The following CFAP54 variants were observed in gnomAD, a reference collection of about 807,000 sequenced individuals.
CFAP54 encodes the protein cilia- and flagella-associated protein 54.
A neutral mutation model predicts 370.4 loss-of-function variants in CFAP54; 290 were observed. The observed-to-expected ratio is 0.78, with a 90% CI of 0.71 to 0.86. The LOEUF is 0.86. CFAP54 is among the 40% of genes least tolerant of loss of function. The probability of loss-of-function intolerance (pLI) is 0.00; values close to 1 mark genes in which losing one functional copy is unlikely to be tolerated. For missense variants in CFAP54, 3,399 were observed against 3,528.7 expected, an observed-to-expected ratio of 0.96 and a Z score of 0.93; for synonymous variants, 1,206 against 1,236.5, an observed-to-expected ratio of 0.98 and a Z score of 0.52.
chr12:96,693,400 T>G (rs181472314), intron 44 of CFAP54, among the ~76,000 whole-genome samples: 1 of 152,212 alleles, frequency 6.6e-6, no homozygotes, highest in Non-Finnish European at 1.5e-5. Flanking sequence ...CATATATTTA[T>G]GTTGAGTTAA....
chr12:96,500,518 G>A (rs1332270594), intron 1 of CFAP54, among the ~76,000 whole-genome samples: 1 of 152,122 alleles, frequency 6.6e-6, no homozygotes, highest in Non-Finnish European at 1.5e-5. Flanking sequence ...TTGATAATGG[G>A]GAGGGCTGTG....
intron 65 of CFAP54, among the ~76,000 whole-genome samples, chr12:96,827,707 TATATAATTATATATAATTATATTTA>T (rs1165659932): frequency 1.2e-4 from 11 of 90,268 alleles, no homozygotes; most frequent in East Asian, 9.9e-4. Flanking sequence ...TATTATATTA[TATATAATTATATATAATTATATTTA>T]ATATAATTAT....
At chr12:96,544,408 A>ATCTC (rs1955614578) in intron 14 of CFAP54, among the ~76,000 whole-genome samples, 1 of 106,694 alleles carries the variant, frequency 9.4e-6, no homozygotes, top group Non-Finnish European at 1.9e-5. Context: ...AGAAAACAGA[A>ATCTC]TATCTCTCTC....
rs1382920554 is a variant in CFAP54, at chr12:96,792,437, G to T, written c.8788G>T (p.Glu2930Ter). ...IEMVTQASNK[E>*]LCFQWYIPPL... ...AATGGTAACGCAAGCTTCAAACAAA[G>T]AACTTTGCTTTCAATGGTACATTCC... is the stretch of plus-strand genomic sequence containing the variant. Residue 2930 changes from glutamate to a stop codon, truncating the protein, a stop_gained, in exon 63 of 68, where the codon GAA becomes TAA. Transcript: ENST00000524981. LOFTEE classifies it high-confidence loss of function. 6.5e-7 allele frequency: 1 copy of T among 1,535,794 alleles called. No homozygotes were observed. The highest frequency in any genetic ancestry group is 8.7e-7 in the Non-Finnish European group (1 of 1,146,796).
At chr12:96,660,382 T>C (rs1216616731) in intron 38 of CFAP54, among the ~76,000 whole-genome samples, 1 of 152,170 alleles carries the variant, frequency 6.6e-6, no homozygotes, top group Non-Finnish European at 1.5e-5. Flanking sequence ...CCCCTTTTCT[T>C]CTCCATCCAC....
At chr12:96,678,337 A>T (rs1458951708) in intron 39 of CFAP54, among the ~76,000 whole-genome samples, 1 of 151,774 alleles carries the variant, frequency 6.6e-6, no homozygotes, top group East Asian at 1.9e-4. Flanking sequence ...TGCAACCTCC[A>T]CCTCCCAGGT....
intron 63 of CFAP54, among the ~76,000 whole-genome samples, chr12:96,806,203 TATATATATATAA>T (rs1425499180): frequency 6.4e-5 from 5 of 77,926 alleles, no homozygotes; most frequent in African/African-American, 2.7e-4. Context: ...TATATATATA[TATATATATATAA>T]TAACAACATA....
intron 58 of CFAP54, among the ~76,000 whole-genome samples, chr12:96,762,507 C>T (rs1475249378): frequency 1.3e-5 from 2 of 152,194 alleles, no homozygotes; most frequent in Admixed American, 6.5e-5. Context: ...TATTCTTTGT[C>T]CACTCCAAAT....
At chr12:96,629,839 A>G (rs1263965650) in intron 30 of CFAP54, among the ~76,000 whole-genome samples, 4 of 152,148 alleles carry the variant, frequency 2.6e-5, no homozygotes, top group Non-Finnish European at 5.9e-5. Context: ...AACTTTTATC[A>G]ATGTTGTGAA....
chr12:96,676,224 T>C (rs11108636), intron 39 of CFAP54, among the ~76,000 whole-genome samples: 134,960 of 152,222 alleles, frequency 0.89, 60,086 homozygotes, highest in East Asian at 0.96. Flanking sequence ...ATCCTGATTT[T>C]GGTGAGAGGG....
chr12:96,598,757 A>G lies in CFAP54; in HGVS notation c.3629A>G (p.Tyr1210Cys), dbSNP rs1359542473. ...IQHMIACCIF[Y>C]ITKILRSWRE... is the part of the protein sequence containing the mutation. Reference sequence around the variant, plus strand: ...CACATGATAGCTTGTTGTATTTTCTACATAACAAAGGTATTTATCTCATTC... The same window carrying G: ...CACATGATAGCTTGTTGTATTTTCTGCATAACAAAGGTATTTATCTCATTC... Residue 1210 changes from tyrosine (Y) to cysteine (C), a missense_variant, in exon 26 of 68, where the codon TAC becomes TGC. Coordinates refer to ENST00000524981, the MANE Select transcript of CFAP54 (RefSeq NM_001306084.2). 1.6e-6 allele frequency: 1 copy of G among 624,286 alleles called. No individual in the cohort carries two copies. The highest frequency in any genetic ancestry group is 1.8e-5 in the African/African-American group (1 of 55,276). The allele number at this position is 624,286 out of a possible 1,614,324, so 38.7% of individuals were successfully genotyped here.
At chr12:96,514,088 G>A (rs1266463165) in intron 5 of CFAP54, among the ~76,000 whole-genome samples, 5 of 152,186 alleles carry the variant, frequency 3.3e-5, no homozygotes, top group Non-Finnish European at 7.3e-5. Context: ...CCAGTTATTG[G>A]AATGTAGGCC....
intron 26 of CFAP54, among the ~76,000 whole-genome samples, chr12:96,612,607 A>G (rs755864280): frequency 2.6e-5 from 4 of 152,246 alleles, no homozygotes; most frequent in Non-Finnish European, 5.9e-5. Context: ...TTGGATAAAG[A>G]GTCAAGACCC....
intron 60 of CFAP54, among the ~76,000 whole-genome samples, chr12:96,779,278 G>A (rs921107023): frequency 6.6e-5 from 10 of 152,162 alleles, no homozygotes; most frequent in African/African-American, 2.4e-4. Flanking sequence ...CTTCTGATTT[G>A]TAACAGATAG....
chr12:96,660,434 T>C lies in CFAP54; in HGVS notation c.5460+2088T>C, dbSNP rs142685382. 3.3e-3 allele frequency among the ~76,000 whole-genome samples: 504 copies of C among 152,326 alleles called. 4 individuals are homozygous for C. Among genetic ancestry groups the C allele is most frequent in the African/African-American group, 0.011 (478 of 41,576 alleles). Reference sequence around the variant, plus strand: ...AGTTAATTCAATCTATGTCTCTAAGTACCATCTCTATCATGATGAATTTTG... The same window carrying C: ...AGTTAATTCAATCTATGTCTCTAAGCACCATCTCTATCATGATGAATTTTG... On this transcript the variant is annotated intron_variant, in intron 38 of 67. Transcript: ENST00000524981.
chr12:96,804,818 C>T (rs1460398033), intron 63 of CFAP54, among the ~76,000 whole-genome samples: 1 of 152,100 alleles, frequency 6.6e-6, no homozygotes, highest in Non-Finnish European at 1.5e-5. Flanking sequence ...AACCTGGAGG[C>T]ATCACATTAC....
At chr12:96,618,543 A>G (rs1037411286) in intron 26 of CFAP54, among the ~76,000 whole-genome samples, 1 of 152,180 alleles carries the variant, frequency 6.6e-6, no homozygotes, top group Non-Finnish European at 1.5e-5. Context: ...CTCTGTGGAC[A>G]GGAAGCAAGG....
At chr12:96,700,764 T>C (rs1344849556) in intron 46 of CFAP54, among the ~76,000 whole-genome samples, 1 of 152,170 alleles carries the variant, frequency 6.6e-6, no homozygotes, top group East Asian at 1.9e-4. Flanking sequence ...GTGATCATGC[T>C]TCAGGCAGAT....
At chr12:96,558,873 A>C (rs1955784660) in intron 17 of CFAP54, among the ~76,000 whole-genome samples, 1 of 152,158 alleles carries the variant, frequency 6.6e-6, no homozygotes, top group South Asian at 2.1e-4. Flanking sequence ...CAAAATGGAC[A>C]AATAGGATCA....
Sources: gnomAD v4.1 joint callset for allele counts (sites outside exome capture counted in the v4.1 genomes callset) on GRCh38, gnomAD v4.1.1 for gene constraint, MANE v1.5 for transcripts, NCBI Gene and HGNC (gene_info 2026-07-23, HGNC 2026-07-21) for gene names.